TCF12: variants seen among roughly 807,000 people sequenced by gnomAD.
The protein encoded by TCF12 is transcription factor 12.
Under a neutral mutation model 86.0 loss-of-function variants are expected in TCF12, and 45 were observed. The observed-to-expected ratio is 0.52, with a 90% CI of 0.41 to 0.67. TCF12 has a LOEUF of 0.67. TCF12 is among the 30% of genes least tolerant of loss of function. The pLI is 0.00. For synonymous variants in TCF12, 330 were observed against 299.6 expected, an observed-to-expected ratio of 1.10 and a Z score of -1.05; for missense variants, 881 against 859.9, an observed-to-expected ratio of 1.02 and a Z score of -0.31.
At chr15:57,119,475 T>G (rs2051079355) in intron 5 of TCF12, among the ~76,000 whole-genome samples, 1 of 147,134 alleles carries the variant, frequency 6.8e-6, no homozygotes, top group South Asian at 2.3e-4. Context: ...TTTTTAAGTA[T>G]CTTCTTCATA....
chr15:57,147,552 T>G (rs2733334), intron 5 of TCF12, among the ~76,000 whole-genome samples: 1 of 151,870 alleles, frequency 6.6e-6, no homozygotes, highest in Non-Finnish European at 1.5e-5. Flanking sequence ...AAGTGAGATC[T>G]TTGCATGTTC....
chr15:57,143,613 T>A (rs980688172), intron 5 of TCF12, among the ~76,000 whole-genome samples: 1 of 152,114 alleles, frequency 6.6e-6, no homozygotes, highest in African/African-American at 2.4e-5. Context: ...GTTTTCTGAC[T>A]GGGGCCCTGT....
chr15:56,949,239 GTATTTTTAGGAA>G (rs2061155031), intron 3 of TCF12, among the ~76,000 whole-genome samples: 1 of 152,000 alleles, frequency 6.6e-6, no homozygotes, highest in African/African-American at 2.4e-5. Context: ...GCATTTGCTG[GTATTTTTAGGAA>G]TATGTCTTAA....
intron 3 of TCF12, among the ~76,000 whole-genome samples, chr15:57,041,014 A>C (rs2066862285): frequency 6.6e-6 from 1 of 152,226 alleles, no homozygotes; most frequent in South Asian, 2.1e-4. Flanking sequence ...ACTTATGTGA[A>C]TCTATGATGA....
intron 12 of TCF12, among the ~76,000 whole-genome samples, chr15:57,241,381 C>T (rs560020377): frequency 1.3e-5 from 2 of 152,054 alleles, no homozygotes; most frequent in Admixed American, 6.5e-5. Flanking sequence ...CGTGAGCTAC[C>T]GCACCCGGCC....
chr15:57,011,153 TG>T (rs1245314157), intron 3 of TCF12, among the ~76,000 whole-genome samples: 2 of 152,200 alleles, frequency 1.3e-5, no homozygotes, highest in Admixed American at 1.3e-4. Flanking sequence ...TAATGTGGTT[TG>T]GGTGTTTGTG....
At chr15:56,976,006 G>A (rs1457297610) in intron 3 of TCF12, among the ~76,000 whole-genome samples, 2 of 151,850 alleles carry the variant, frequency 1.3e-5, no homozygotes, top group South Asian at 2.1e-4. Flanking sequence ...CAGGAATAAA[G>A]ATGATATTTG....
intron 5 of TCF12, among the ~76,000 whole-genome samples, chr15:57,141,909 G>A (rs1182808499): frequency 1.3e-5 from 2 of 152,144 alleles, no homozygotes; most frequent in Admixed American, 1.3e-4. Flanking sequence ...GGAACTCTTG[G>A]TTGAAGAATA....
At chr15:56,926,126 A>C (rs1327025967) in intron 3 of TCF12, among the ~76,000 whole-genome samples, 1 of 152,128 alleles carries the variant, frequency 6.6e-6, no homozygotes, top group East Asian at 1.9e-4. Context: ...AGCCTGGCCA[A>C]CGTAGCAAAA....
intron 3 of TCF12, among the ~76,000 whole-genome samples, chr15:56,960,588 C>G (rs1257640148): frequency 6.6e-6 from 1 of 151,898 alleles, no homozygotes; most frequent in East Asian, 2.0e-4. Flanking sequence ...TGCCACCATG[C>G]ACGGCTAATT....
At chr15:57,161,164 C>G (rs1219336874) in intron 5 of TCF12, among the ~76,000 whole-genome samples, 2 of 152,208 alleles carry the variant, frequency 1.3e-5, no homozygotes, top group Non-Finnish European at 2.9e-5. Context: ...CCCACCTTCA[C>G]TGTGACTGCC....
chr15:57,224,117 A>T (rs2058754481), intron 8 of TCF12, among the ~76,000 whole-genome samples: 1 of 151,988 alleles, frequency 6.6e-6, no homozygotes, highest in African/African-American at 2.4e-5. Context: ...TGCTAGTTTT[A>T]CATACTAGAA....
chr15:57,244,599 A>G (rs1262076956), intron 13 of TCF12, among the ~76,000 whole-genome samples: 2 of 152,134 alleles, frequency 1.3e-5, no homozygotes, highest in African/African-American at 2.4e-5. Context: ...AGCTGGGATT[A>G]CAGGCGTCTG....
intron 5 of TCF12, among the ~76,000 whole-genome samples, chr15:57,121,721 G>A (rs1158825140): frequency 6.6e-6 from 1 of 152,160 alleles, no homozygotes; most frequent in Non-Finnish European, 1.5e-5. Flanking sequence ...AGACTTCTCA[G>A]TCTCTAGAAC....
chr15:57,286,200 A>G lies in TCF12; in HGVS notation c.*55A>G, dbSNP rs537139842. Reference sequence around the variant, plus strand: ...GCTAGATAGAAGGTGACCTCTCCTCATAAGGACTTGGACAACTCAGATTAT... The same window carrying G: ...GCTAGATAGAAGGTGACCTCTCCTCGTAAGGACTTGGACAACTCAGATTAT... On this transcript the variant is annotated 3_prime_UTR_variant, in exon 21 of 21. Coordinates refer to ENST00000333725, the MANE Select transcript of TCF12 (RefSeq NM_207037.2). 1.4e-4 allele frequency: 24 copies of G among 174,354 alleles called. 1 individual carries two copies. The South Asian group carries it at 3.3e-3, about 24-fold the overall frequency. 10.8% of individuals were successfully genotyped at this position (174,354 alleles called of 1,614,324 possible).
At chr15:57,151,343 G>A (rs1250154850) in intron 5 of TCF12, among the ~76,000 whole-genome samples, 1 of 137,538 alleles carries the variant, frequency 7.3e-6, no homozygotes, top group African/African-American at 2.7e-5. Context: ...TACACTGGAT[G>A]ATATTAACTG....
At chr15:57,207,739 C>T (rs1221414363) in intron 8 of TCF12, among the ~76,000 whole-genome samples, 1 of 152,110 alleles carries the variant, frequency 6.6e-6, no homozygotes, top group African/African-American at 2.4e-5. Flanking sequence ...CTGACTTGAG[C>T]TTGACAATTT....
intron 8 of TCF12, chr15:57,219,265 A>G: frequency 8.5e-7 from 1 of 1,179,082 alleles, no homozygotes; most frequent in Non-Finnish European, 1.0e-6. Flanking sequence ...GCATTTTTTT[A>G]ATACCTCAAA....
chr15:57,239,384 T>C (rs182054104), intron 12 of TCF12, among the ~76,000 whole-genome samples: 1 of 151,144 alleles, frequency 6.6e-6, no homozygotes, highest in Admixed American at 6.6e-5. Flanking sequence ...ATTAGCCGGG[T>C]ATGGTGGTAC....
Sources: gnomAD v4.1 joint callset for allele counts (sites outside exome capture counted in the v4.1 genomes callset) on GRCh38, gnomAD v4.1.1 for gene constraint, MANE v1.5 for transcripts, NCBI Gene and HGNC (gene_info 2026-07-23, HGNC 2026-07-21) for gene names.